AFG1L: variants seen among roughly 807,000 people sequenced by gnomAD.
AFG1L encodes the protein AFG1-like ATPase.
Under a neutral mutation model 62.2 loss-of-function variants are expected in AFG1L, and 53 were observed. The ratio of observed to expected loss-of-function variants is 0.85; its 90% confidence interval spans 0.68 to 1.07. The LOEUF is 1.07. Ranked by LOEUF, AFG1L falls within the 50% of genes least tolerant of loss-of-function variation. The pLI is 0.00. For synonymous variants in AFG1L, 228 were observed against 210.3 expected (o/e 1.08, Z -0.73); for missense variants, 555 against 590.5 (o/e 0.94, Z 0.62).
intron 2 of AFG1L, among the ~76,000 whole-genome samples, chr6:108,327,635 C>T (rs1778103307): frequency 1.3e-5 from 2 of 152,310 alleles, no homozygotes; most frequent in South Asian, 2.1e-4. Flanking sequence ...TTCCAAAGGT[C>T]CTACCTCCTA....
intron 6 of AFG1L, among the ~76,000 whole-genome samples, chr6:108,401,252 C>T (rs1014537194): frequency 6.6e-6 from 1 of 151,320 alleles, no homozygotes; most frequent in Non-Finnish European, 1.5e-5. Flanking sequence ...ACGCCATTCT[C>T]CTGCCTCAGC....
rs1779957034 is a variant in AFG1L at position 108,370,531 on chromosome 6, G to C, written c.748+4199G>C. ...GGTAAAGGCCAGGAATATAGCCAAA[G>C]TATCCTATAATTTAACCCCTGCAAC... On this transcript the variant is annotated intron_variant, in intron 6 of 12. Transcript: ENST00000368977. Among the ~76,000 whole-genome samples, 5 of 152,190 alleles carry C rather than the reference G, an allele frequency of 3.3e-5. No individual in the cohort carries two copies. In the South Asian group the frequency reaches 1.0e-3, roughly 32 times the overall value.
chr6:108,333,562 T>C (rs537846119), intron 2 of AFG1L, among the ~76,000 whole-genome samples: 6 of 152,032 alleles, frequency 3.9e-5, no homozygotes, highest in Non-Finnish European at 5.9e-5. Flanking sequence ...CTGAGCAACA[T>C]AGCAAGACCT....
intron 6 of AFG1L, among the ~76,000 whole-genome samples, chr6:108,399,514 G>A (rs1386017070): frequency 6.6e-6 from 1 of 151,288 alleles, no homozygotes; most frequent in African/African-American, 2.4e-5. Flanking sequence ...TAATTCCTAG[G>A]TATTTGATTT....
chr6:108,295,309 G>A (rs1448231680), intron 1 of AFG1L, 91 bp downstream of exon 1: 3 of 1,436,552 alleles, frequency 2.1e-6, no homozygotes, highest in Non-Finnish European at 2.8e-6. Context: ...TACCCCAGGT[G>A]TCTCCTGCTT....
intron 1 of AFG1L, among the ~76,000 whole-genome samples, chr6:108,315,465 G>A (rs1777555421): frequency 6.6e-6 from 1 of 152,164 alleles, no homozygotes; most frequent in Admixed American, 6.5e-5. Context: ...CCTTTAATGT[G>A]CATGTAAAAC....
At chr6:108,449,242 G>T (rs1771951081) in intron 8 of AFG1L, among the ~76,000 whole-genome samples, 1 of 149,862 alleles carries the variant, frequency 6.7e-6, no homozygotes, top group South Asian at 2.1e-4. Context: ...GATATATATA[G>T]ATAGATAGAT....
chr6:108,393,316 A>G (rs1179129378), intron 6 of AFG1L, among the ~76,000 whole-genome samples: 2 of 152,108 alleles, frequency 1.3e-5, no homozygotes, highest in African/African-American at 2.4e-5. Context: ...AATTAGCACG[A>G]TATTTGAATT....
chr6:108,496,239 G>C (rs1204286788), intron 10 of AFG1L, among the ~76,000 whole-genome samples: 1 of 152,210 alleles, frequency 6.6e-6, no homozygotes, highest in Non-Finnish European at 1.5e-5. Context: ...GTGGTCAAAG[G>C]AGTAGAGAAA....
chr6:108,345,465 T>A (rs1044488083), intron 2 of AFG1L, among the ~76,000 whole-genome samples: 2 of 152,030 alleles, frequency 1.3e-5, no homozygotes, highest in African/African-American at 4.8e-5. Flanking sequence ...GCTCAAGCAA[T>A]CCTTCCACCT....
At chr6:108,377,438 A>G (rs1300018219) in intron 6 of AFG1L, among the ~76,000 whole-genome samples, 1 of 152,148 alleles carries the variant, frequency 6.6e-6, no homozygotes, top group East Asian at 1.9e-4. Flanking sequence ...AGGCTGCTCT[A>G]GTGGTAACAC....
intron 11 of AFG1L, among the ~76,000 whole-genome samples, chr6:108,514,719 C>T (rs1246263461): frequency 6.6e-6 from 1 of 152,158 alleles, no homozygotes; most frequent in Non-Finnish European, 1.5e-5. Flanking sequence ...GATAAAGATT[C>T]AAGACCCATC....
intron 7 of AFG1L, among the ~76,000 whole-genome samples, chr6:108,417,430 A>G (rs1454398412): frequency 1.3e-5 from 2 of 152,202 alleles, no homozygotes; most frequent in African/African-American, 4.8e-5. Flanking sequence ...CAATTAAGTT[A>G]CCAAGAAAAG....
chr6:108,462,835 G>A (rs1041088722), intron 8 of AFG1L, among the ~76,000 whole-genome samples: 3 of 152,094 alleles, frequency 2.0e-5, no homozygotes, highest in South Asian at 2.1e-4. Flanking sequence ...ATAAAAATAC[G>A]GAAGAGGGTA....
At chr6:108,413,039 C>G (rs1782188942) in intron 7 of AFG1L, among the ~76,000 whole-genome samples, 2 of 151,982 alleles carry the variant, frequency 1.3e-5, no homozygotes, top group Non-Finnish European at 2.9e-5. Flanking sequence ...TGCAGAGACA[C>G]ACATGGGCTC....
intron 7 of AFG1L, among the ~76,000 whole-genome samples, chr6:108,427,177 A>C (rs897808462): frequency 6.6e-6 from 1 of 151,994 alleles, no homozygotes; most frequent in African/African-American, 2.4e-5. Context: ...ATCATAGCTC[A>C]CTACAGACTC....
intron 7 of AFG1L, among the ~76,000 whole-genome samples, chr6:108,413,053 A>C (rs1432811200): frequency 6.6e-6 from 1 of 152,180 alleles, no homozygotes; most frequent in Non-Finnish European, 1.5e-5. Flanking sequence ...TGGGCTCAAA[A>C]TAAAAGGATG....
At chr6:108,306,961 GTATTTGATT>G (rs1777221024) in intron 1 of AFG1L, among the ~76,000 whole-genome samples, 2 of 151,962 alleles carry the variant, frequency 1.3e-5, no homozygotes, top group Non-Finnish European at 2.9e-5. Flanking sequence ...TCTCCTGTTT[GTATTTGATT>G]TATTATTTTT....
At chr6:108,378,850 G>GTTATTA (rs760891444) in intron 6 of AFG1L, among the ~76,000 whole-genome samples, 5 of 150,516 alleles carry the variant, frequency 3.3e-5, no homozygotes, top group South Asian at 2.1e-4. Context: ...TAATGTTGTT[G>GTTATTA]TTATTATTAT....
Sources: gnomAD v4.1 joint callset for allele counts (sites outside exome capture counted in the v4.1 genomes callset) on GRCh38, gnomAD v4.1.1 for gene constraint, MANE v1.5 for transcripts, NCBI Gene and HGNC (gene_info 2026-07-23, HGNC 2026-07-21) for gene names.